PDE11A: variants seen among roughly 807,000 people sequenced by gnomAD.
PDE11A encodes the protein dual 3',5'-cyclic-AMP and -GMP phosphodiesterase 11A.
A neutral mutation model predicts 100.5 loss-of-function variants in PDE11A; 100 were observed. That is an observed-to-expected ratio of 1.00 (90% confidence interval 0.85 to 1.18). The LOEUF (loss-of-function observed/expected upper bound fraction) is 1.18. Ranked by LOEUF, PDE11A falls within the 50% of genes most tolerant of loss-of-function variation. PDE11A has a pLI of 0.00. For missense variants in PDE11A, 1,141 were observed against 1,152.6 expected (o/e 0.99, Z 0.15); for synonymous variants, 381 against 420.8 (o/e 0.91, Z 1.16).
intron 1 of PDE11A, among the ~76,000 whole-genome samples, chr2:178,023,563 C>G (rs139388352): frequency 6.6e-6 from 1 of 152,180 alleles, no homozygotes; most frequent in Non-Finnish European, 1.5e-5. Context: ...AAGCCAAGAA[C>G]TAATCTTGAC....
intron 6 of PDE11A, among the ~76,000 whole-genome samples, chr2:177,830,271 A>C (rs1236797151): frequency 6.6e-6 from 1 of 152,212 alleles, no homozygotes; most frequent in Middle Eastern, 3.2e-3. Context: ...TGCCATGCCC[A>C]GACTTCTGAC....
At chr2:178,093,335 T>C in intron 2 of PDE11A, among the ~76,000 whole-genome samples, 1 of 151,418 alleles carries the variant, frequency 6.6e-6, no homozygotes, top group East Asian at 1.9e-4. Context: ...GATTAGTAAA[T>C]GATGGTCCAA....
chr2:177,794,301 C>A (rs1051940362), intron 9 of PDE11A, among the ~76,000 whole-genome samples: 8 of 152,064 alleles, frequency 5.3e-5, no homozygotes, highest in Non-Finnish European at 2.9e-5. Flanking sequence ...GTGCAAAGGT[C>A]CTATGGCACA....
rs748774313 is a variant in PDE11A at position 177,908,749 on chromosome 2, T to C, written c.1072-3562A>G. Among the ~76,000 whole-genome samples, 110 of 152,158 alleles carry C rather than the reference T, an allele frequency of 7.2e-4. 1 individual carries two copies. Among genetic ancestry groups the C allele is most frequent in the Non-Finnish European group, 2.8e-4 (19 of 68,018 alleles). On this transcript the variant is annotated intron_variant, in intron 2 of 19. Transcript: ENST00000286063. The stretch of plus-strand genomic sequence containing the variant: ...TAGAGAGGTTCCAGTCTTAGCCCAG[T>C]GGGAACACTGCAGTGTCCCCGGAAG...
chr2:178,031,958 T>C (rs1018718537), intron 1 of PDE11A, among the ~76,000 whole-genome samples: 4 of 152,014 alleles, frequency 2.6e-5, no homozygotes, highest in African/African-American at 9.7e-5. Flanking sequence ...ATTAAGGCAG[T>C]GTGATAGTAA....
intron 1 of PDE11A, among the ~76,000 whole-genome samples, chr2:178,063,712 ATAGT>A (rs1274372440): frequency 6.6e-6 from 1 of 152,084 alleles, no homozygotes; most frequent in Non-Finnish European, 1.5e-5. Context: ...GATAAAGGAG[ATAGT>A]TAGGGCTCTG....
At chr2:178,046,386 A>C (rs949521243) in intron 1 of PDE11A, among the ~76,000 whole-genome samples, 1 of 152,238 alleles carries the variant, frequency 6.6e-6, no homozygotes, top group South Asian at 2.1e-4. Context: ...TTTTATAATA[A>C]ATCTTACAGT....
intron 5 of PDE11A, among the ~76,000 whole-genome samples, chr2:177,849,449 C>G (rs115630044): frequency 0.044 from 6,652 of 152,116 alleles, 212 homozygotes; most frequent in Middle Eastern, 0.12. Context: ...ATCGTCTCAG[C>G]CCAAAATCTC....
At chr2:177,712,385 T>C (rs111706379) in intron 12 of PDE11A, among the ~76,000 whole-genome samples, 12 of 149,236 alleles carry the variant, frequency 8.0e-5, no homozygotes, top group African/African-American at 3.0e-4. Context: ...CACTTTAACA[T>C]ACTCAAATTG....
intron 5 of PDE11A, among the ~76,000 whole-genome samples, chr2:177,844,518 T>C (rs1372324695): frequency 7.4e-6 from 1 of 134,512 alleles, no homozygotes; most frequent in Admixed American, 7.2e-5. Flanking sequence ...TTGGAATTCC[T>C]TTTTTTTTTT....
chr2:177,675,056 A>G (rs564362391), intron 17 of PDE11A, among the ~76,000 whole-genome samples: 4 of 152,246 alleles, frequency 2.6e-5, no homozygotes, highest in African/African-American at 9.6e-5. Context: ...AATAATATTT[A>G]AAAAGAAAAA....
At chr2:177,826,460 A>T (rs1558958142) in intron 6 of PDE11A, among the ~76,000 whole-genome samples, 1 of 152,266 alleles carries the variant, frequency 6.6e-6, no homozygotes, top group Non-Finnish European at 1.5e-5. Flanking sequence ...TCTAGTAACC[A>T]GACAAGCTGA....
At chr2:177,714,768 A>T (rs114880894) in intron 12 of PDE11A, among the ~76,000 whole-genome samples, 134 of 152,310 alleles carry the variant, frequency 8.8e-4, no homozygotes, top group Non-Finnish European at 1.1e-3. Context: ...TCTGTGAAAC[A>T]TCTAAGTCTT....
chr2:177,925,511 G>A (rs917682758), intron 2 of PDE11A, among the ~76,000 whole-genome samples: 4 of 152,094 alleles, frequency 2.6e-5, no homozygotes, highest in Non-Finnish European at 5.9e-5. Context: ...TGTGTTTTTG[G>A]CTGCATAAAT....
intron 4 of PDE11A, among the ~76,000 whole-genome samples, chr2:177,895,969 A>G (rs2084606005): frequency 6.6e-6 from 1 of 152,214 alleles, no homozygotes; most frequent in Admixed American, 6.5e-5. Context: ...TCAAAAAGCC[A>G]AAACAAAACA....
At chr2:177,710,326 G>A (rs2081340923) in intron 13 of PDE11A, among the ~76,000 whole-genome samples, 1 of 151,922 alleles carries the variant, frequency 6.6e-6, no homozygotes, top group Admixed American at 6.6e-5. Context: ...AATTTTCTCC[G>A]TGAAGTAGGA....
intron 1 of PDE11A, among the ~76,000 whole-genome samples, chr2:178,064,287 A>C (rs1463521143): frequency 6.6e-6 from 1 of 152,240 alleles, no homozygotes; most frequent in Non-Finnish European, 1.5e-5. Context: ...GGTTGTACAG[A>C]GAACAGGTTG....
chr2:177,787,697 T>A (rs1005548863), intron 9 of PDE11A, among the ~76,000 whole-genome samples: 39 of 134,768 alleles, frequency 2.9e-4, no homozygotes, highest in Non-Finnish European at 5.5e-4. Context: ...GAGGAAGATC[T>A]ACCAAGCAAA....
intron 2 of PDE11A, among the ~76,000 whole-genome samples, chr2:178,101,622 GA>G (rs2087559592): frequency 6.6e-6 from 1 of 152,138 alleles, no homozygotes; most frequent in South Asian, 2.1e-4. Context: ...CACCCATTCT[GA>G]AACTATCTGG....
Sources: allele counts gnomAD v4.1 joint callset (sites outside exome capture counted in the v4.1 genomes callset), GRCh38; gene constraint gnomAD v4.1.1; transcripts MANE v1.5; gene names NCBI Gene and HGNC (gene_info 2026-07-23, HGNC 2026-07-21).